DNM3: variants seen among roughly 807,000 people sequenced by gnomAD.
DNM3 encodes dynamin-3.
A neutral mutation model predicts 101.6 loss-of-function variants in DNM3; 47 were observed. The ratio of observed to expected loss-of-function variants is 0.46; its 90% CI spans 0.37 to 0.59. DNM3 has a LOEUF of 0.59. Among genes scored for constraint, DNM3 ranks in the 20% least tolerant of loss-of-function variants. The pLI is 0.00. For missense variants in DNM3, 849 were observed against 1,085.7 expected (o/e 0.78, Z 3.06); for synonymous variants, 385 against 387.9 (o/e 0.99, Z 0.09).
At chr1:172,239,076 C>G (rs1024153414) in intron 14 of DNM3, among the ~76,000 whole-genome samples, 2 of 152,058 alleles carry the variant, frequency 1.3e-5, no homozygotes, top group African/African-American at 4.8e-5. Flanking sequence ...GTCACATCTT[C>G]CCTCTCTCTA....
At chr1:172,066,199 C>T (rs1459666427) in intron 10 of DNM3, among the ~76,000 whole-genome samples, 2 of 151,610 alleles carry the variant, frequency 1.3e-5, no homozygotes, top group Non-Finnish European at 2.9e-5. Context: ...TGGTGTGTGA[C>T]TCTGTGTGTG....
At chr1:172,041,899 C>T in intron 7 of DNM3, 110 bp from the exon 8 acceptor site, 1 of 1,220,546 alleles carries the variant, frequency 8.2e-7, no homozygotes, top group Non-Finnish European at 1.1e-6. Context: ...CAGTAGGTGC[C>T]ACTAAGAGCA....
At chr1:172,396,563 A>T (rs1207655185) in intron 20 of DNM3, among the ~76,000 whole-genome samples, 29 of 152,168 alleles carry the variant, frequency 1.9e-4, no homozygotes, top group Non-Finnish European at 1.5e-5. Flanking sequence ...TAAATACACC[A>T]CCACAGGAGA....
At chr1:171,903,252 G>A (rs1407442320) in intron 1 of DNM3, among the ~76,000 whole-genome samples, 17 of 152,076 alleles carry the variant, frequency 1.1e-4, no homozygotes, top group Admixed American at 1.1e-3. Context: ...AGAGAAATAA[G>A]ATAAAAGTGT....
intron 18 of DNM3, chr1:172,380,947 T>A (rs2068861299): frequency 6.7e-6 from 1 of 148,172 alleles, no homozygotes; most frequent in Admixed American, 6.8e-5. Context: ...TGCCTATAGC[T>A]GTGAGGAGTA....
At chr1:172,053,266 A>G (rs917277096) in intron 10 of DNM3, among the ~76,000 whole-genome samples, 2 of 151,964 alleles carry the variant, frequency 1.3e-5, no homozygotes, top group African/African-American at 4.8e-5. Context: ...TGACATTTGC[A>G]TAAGTGATTC....
chr1:171,887,670 G>T (rs1165642417), intron 1 of DNM3, among the ~76,000 whole-genome samples: 1 of 151,566 alleles, frequency 6.6e-6, no homozygotes, highest in African/African-American at 2.4e-5. Flanking sequence ...CTTTCACGTG[G>T]TTCAAAAAAA....
At chr1:172,261,323 C>T (rs2062636877) in intron 15 of DNM3, among the ~76,000 whole-genome samples, 1 of 152,170 alleles carries the variant, frequency 6.6e-6, no homozygotes, top group Non-Finnish European at 1.5e-5. Context: ...GGGTAGGGTA[C>T]TTTGCTTTTG....
At chr1:171,941,377 C>A (rs1266752671) in intron 2 of DNM3, among the ~76,000 whole-genome samples, 1 of 152,162 alleles carries the variant, frequency 6.6e-6, no homozygotes, top group Admixed American at 6.5e-5. Flanking sequence ...TCCTTAAATA[C>A]TTCCTGGATA....
chr1:172,417,469 C>G (rs1042453625), downstream of DNM3, among the ~76,000 whole-genome samples: 1 of 152,172 alleles, frequency 6.6e-6, no homozygotes, highest in African/African-American at 2.4e-5. Flanking sequence ...ATCCATAGGT[C>G]TGATGAAATG....
intron 2 of DNM3, among the ~76,000 whole-genome samples, chr1:171,960,016 G>T (rs926315103): frequency 6.6e-6 from 1 of 152,130 alleles, no homozygotes; most frequent in Non-Finnish European, 1.5e-5. Context: ...TGGAACCTCA[G>T]TATAGGACTC....
chr1:172,001,290 A>T (rs1209183044), intron 4 of DNM3, among the ~76,000 whole-genome samples: 2 of 152,016 alleles, frequency 1.3e-5, no homozygotes, highest in East Asian at 1.9e-4. Flanking sequence ...TTATGTTTAC[A>T]CTGCTGCTCA....
At chr1:172,148,433 TA>T (rs1425258640) in intron 14 of DNM3, among the ~76,000 whole-genome samples, 4 of 152,042 alleles carry the variant, frequency 2.6e-5, no homozygotes, top group South Asian at 2.1e-4. Context: ...ACAGCTCTCT[TA>T]AAAAAATCAT....
downstream of DNM3, among the ~76,000 whole-genome samples, chr1:172,413,651 T>C (rs573664770): frequency 6.6e-6 from 1 of 152,342 alleles, no homozygotes; most frequent in African/African-American, 2.4e-5. Context: ...GACAAGTCCC[T>C]TATCAATTGA....
Position 172,412,017 on chromosome 1 carries a change from C to G in DNM3, c.*4176C>G, listed in dbSNP as rs7514051. ...TGAAACTTTAAGAATATTTTTGAAG[C>G]ATATGTAATATATGCACTGCTATTT... is the stretch of plus-strand genomic sequence containing the variant. On this transcript the variant is annotated 3_prime_UTR_variant, in exon 21 of 21. Transcript: ENST00000627582. 31,083 of 985,244 alleles carry G rather than the reference C, an allele frequency of 0.032. 563 individuals carry two copies. The highest frequency in any genetic ancestry group is 0.037 in the Middle Eastern group (70 of 1,914). The allele number at this position is 985,244 out of a possible 1,614,324, so 61.0% of individuals were successfully genotyped here.
chr1:172,141,645 A>C (rs1181931148), intron 14 of DNM3, among the ~76,000 whole-genome samples: 1 of 152,072 alleles, frequency 6.6e-6, no homozygotes, highest in Non-Finnish European at 1.5e-5. Flanking sequence ...TTATGCCTAA[A>C]CTGTTTCCCA....
intron 1 of DNM3, among the ~76,000 whole-genome samples, chr1:171,902,198 C>T (rs911716523): frequency 2.6e-5 from 4 of 152,068 alleles, no homozygotes; most frequent in Non-Finnish European, 2.9e-5. Flanking sequence ...ATAGTTTGCC[C>T]TTTTAATCCA....
intron 14 of DNM3, chr1:172,139,828 G>C (rs372900786): frequency 6.6e-6 from 1 of 152,104 alleles, no homozygotes; most frequent in African/African-American, 2.4e-5. Flanking sequence ...TGAGCTAATA[G>C]TGTTAAATAT....
intron 16 of DNM3, among the ~76,000 whole-genome samples, chr1:172,320,629 A>G (rs2065665581): frequency 6.6e-6 from 1 of 152,138 alleles, no homozygotes; most frequent in South Asian, 2.1e-4. Context: ...TGTAATTCCC[A>G]ATTAAGTATT....
Sources: allele counts gnomAD v4.1 joint callset (sites outside exome capture counted in the v4.1 genomes callset), GRCh38; gene constraint gnomAD v4.1.1; transcripts MANE v1.5; gene names NCBI Gene and HGNC (gene_info 2026-07-23, HGNC 2026-07-21).